Variants in ADGRG5 observed in about 807,000 individuals in gnomAD.
ADGRG5 encodes G protein-coupled receptor 114.
A neutral mutation model predicts 53.2 loss-of-function variants in ADGRG5; 37 were observed. The observed-to-expected ratio is 0.70, with a 90% CI of 0.53 to 0.91. ADGRG5 has a LOEUF of 0.91. ADGRG5 is among the 40% of genes least tolerant of loss of function. The pLI, the probability that ADGRG5 is intolerant of heterozygous loss-of-function variation, is 0.00. For synonymous variants in ADGRG5, 277 were observed against 290.4 expected, an observed-to-expected ratio of 0.95 and a Z score of 0.47; for missense variants, 614 against 675.8, an observed-to-expected ratio of 0.91 and a Z score of 1.01.
the ADGRG5 span, among the ~76,000 whole-genome samples, chr16:57,532,198 T>C: frequency 6.6e-6 from 1 of 152,212 alleles, no homozygotes; most frequent in Non-Finnish European, 1.5e-5. Context: ...AGAGTCATGT[T>C]TGCTAGGTGT....
At chr16:57,571,811 A>G (rs2033369704) in intron 10 of ADGRG5, among the ~76,000 whole-genome samples, 2 of 151,610 alleles carry the variant, frequency 1.3e-5, no homozygotes, top group Admixed American at 6.6e-5. Flanking sequence ...CGCTCAGTTA[A>G]TTTTTGTATT....
chr16:57,550,913 A>G (rs1029137089), intron 1 of ADGRG5, among the ~76,000 whole-genome samples: 4 of 152,148 alleles, frequency 2.6e-5, no homozygotes, highest in Non-Finnish European at 4.4e-5. Flanking sequence ...CTGTAATCCC[A>G]TCTACTTGGG....
rs978836132 is a variant in ADGRG5, at chr16:57,574,296, T to G, written c.1209-519T>G. 7.9e-5 allele frequency among the ~76,000 whole-genome samples: 12 copies of G among 152,160 alleles called. No individual in the cohort carries two copies. Among genetic ancestry groups the G allele is most frequent in the African/African-American group, 2.9e-4 (12 of 41,448 alleles). On this transcript the variant is annotated intron_variant, in intron 10 of 11. Coordinates refer to ENST00000349457, the MANE Select transcript of ADGRG5 (RefSeq NM_001304376.3). The surrounding 1 kb of genome is among the most constrained non-coding windows in gnomAD (Gnocchi z 4.4). Reference sequence around the variant, plus strand: ...GGTCCCTGTCCACCAAGCCACAGGTTGGCAGCCCGCCCACTCTCCAGCGCA... The same window carrying G: ...GGTCCCTGTCCACCAAGCCACAGGTGGGCAGCCCGCCCACTCTCCAGCGCA...
intron 9 of ADGRG5, 62 bp from the exon 10 acceptor site, chr16:57,570,344 AGCCCCAGGGACC>A (rs1818763754): frequency 6.9e-6 from 6 of 875,208 alleles, no homozygotes; most frequent in African/African-American, 6.6e-5. Flanking sequence ...CTGTGTCAGC[AGCCCCAGGGACC>A]GCCCCAGGGA....
chr16:57,563,244 C>G lies in ADGRG5; in HGVS notation c.294C>G (p.Pro98=), dbSNP rs756416703. 4 of 1,613,730 alleles carry G rather than the reference C, an allele frequency of 2.5e-6. No homozygotes were observed. The highest frequency in any genetic ancestry group is 3.4e-6 in the Non-Finnish European group (4 of 1,179,990). The change falls in exon 4 of 12, where the codon CCC becomes CCG. Residue 98 remains proline, a synonymous_variant. Transcript: ENST00000349457. ...SLTSATLKRV[P]QAGGQHARGQ... ...CCAGTGCCACTCTGAAGCGGGTGCC[C>G]CAGGTCAGAGGCTGCGGGTTGGGGG...
chr16:57,565,042 CA>C lies in ADGRG5; in HGVS notation c.440del (p.Asn147ThrfsTer5). 6.2e-7 allele frequency: 1 copy of C among 1,610,746 alleles called. No homozygotes were observed. Among genetic ancestry groups the C allele is most frequent in the South Asian group, 1.1e-5 (1 of 90,932 alleles). ...SNTHFFKDEN[N>X]SSLLNNYVLG... ...TCCTGCTGCCCTTCCAGGATGAAAA[CA>C]ACTCATCTCTGCTGAATAACTACGT... On this transcript the variant is annotated frameshift_variant, in exon 6 of 12. Transcript: ENST00000349457. LOFTEE classifies it high-confidence loss of function.
At chr16:57,570,586 A>G (rs1387953468) in intron 10 of ADGRG5, 51 bp downstream of exon 10, 3 of 1,299,012 alleles carry the variant, frequency 2.3e-6, no homozygotes, top group Non-Finnish European at 3.3e-6. Context: ...CAGAAGGGCC[A>G]CATGGGCCTG....
chr16:57,564,823 G>C (rs561807522), intron 5 of ADGRG5, among the ~76,000 whole-genome samples: 1 of 152,278 alleles, frequency 6.6e-6, no homozygotes, highest in South Asian at 2.1e-4. Flanking sequence ...GGAGCAGGGG[G>C]TGGTGAGAGG....
At chr16:57,545,722 A>T (rs1207961966) in intron 1 of ADGRG5, among the ~76,000 whole-genome samples, 2 of 152,192 alleles carry the variant, frequency 1.3e-5, no homozygotes, top group African/African-American at 4.8e-5. Flanking sequence ...CAGTTTATTT[A>T]ATTAGTCCCG....
Position 57,565,063 on chromosome 16 carries a change from C to G in ADGRG5, c.459C>G (p.Asn153Lys). ...KDENNSSLLNNYVLGAQLSHG... is the reference protein window; with the variant it reads ...KDENNSSLLNKYVLGAQLSHG... ...AAAACAACTCATCTCTGCTGAATAA[C>G]TACGTCCTGGGGGCCCAGCTGAGTC... Residue 153 changes from asparagine to lysine, a missense_variant, in exon 6 of 12, where the codon AAC becomes AAG. Physicochemically the swap from Asn to Lys is moderately conservative, Grantham distance 94. Coordinates refer to ENST00000349457, the MANE Select transcript of ADGRG5 (RefSeq NM_001304376.3). 6.2e-7 allele frequency: 1 copy of G among 1,613,762 alleles called. No homozygotes were observed. The highest frequency in any genetic ancestry group is 8.5e-7 in the Non-Finnish European group (1 of 1,179,654).
chr16:57,555,438 C>T (rs1286703260), intron 1 of ADGRG5, among the ~76,000 whole-genome samples: 2 of 152,192 alleles, frequency 1.3e-5, no homozygotes, highest in Non-Finnish European at 2.9e-5. Context: ...AGGTGCCTTC[C>T]TCCATGATTA....
chr16:57,537,482 G>A, the ADGRG5 span, among the ~76,000 whole-genome samples: 7 of 152,218 alleles, frequency 4.6e-5, no homozygotes, highest in Admixed American at 1.3e-4. Context: ...GCCTTAAAAT[G>A]AACCAAGAAT....
Position 57,567,759 on chromosome 16 carries a change from G to A in ADGRG5, c.822-97G>A, listed in dbSNP as rs1051538475. Reference sequence around the variant, plus strand: ...GCTGTGGGATCCCTGCCCCTTCTTCGCCTCAGTTTCCCTGTCGGCATGCAC... The same window carrying A: ...GCTGTGGGATCCCTGCCCCTTCTTCACCTCAGTTTCCCTGTCGGCATGCAC... On this transcript the variant is annotated intron_variant, in intron 8 of 11. Transcript: ENST00000349457. 1.8e-5 allele frequency: 27 copies of A among 1,461,974 alleles called. 1 individual carries two copies. Among genetic ancestry groups the A allele is most frequent in the Admixed American group, 5.8e-5 (3 of 51,762 alleles). The allele number at this position is 1,461,974 out of a possible 1,614,324, so 90.6% of individuals were successfully genotyped here.
At position 57,562,471 on chromosome 16, in the gene ADGRG5, G is replaced by A. The variant is rs1407281200; in HGVS notation, c.140+12G>A. ...GTTTTTTCCTCTCGGTGAGTTGGAT[G>A]TGCCTCCCACCCCAAGCCTGCACCT... On this transcript the variant is annotated intron_variant, in intron 3 of 11. Transcript: ENST00000349457. 1 of 1,577,996 alleles carries A rather than the reference G, an allele frequency of 6.3e-7. No individual in the cohort carries two copies.
At chr16:57,567,400 C>G in intron 7 of ADGRG5, 70 bp from the exon 8 acceptor site, 1 of 1,553,950 alleles carries the variant, frequency 6.4e-7, no homozygotes, top group East Asian at 2.3e-5. Context: ...CTCAGGAGGT[C>G]CCTCTGACTG....
At chr16:57,545,613 T>C (rs945720243) in intron 1 of ADGRG5, among the ~76,000 whole-genome samples, 74 of 152,368 alleles carry the variant, frequency 4.9e-4, no homozygotes, top group Non-Finnish European at 8.4e-4. Context: ...TGCATTTTGC[T>C]TTTTCACTTG....
chr16:57,542,058 T>G (rs963955847), upstream of ADGRG5, among the ~76,000 whole-genome samples: 13 of 152,198 alleles, frequency 8.5e-5, no homozygotes, highest in African/African-American at 3.1e-4. Context: ...AGCCTTACCT[T>G]TTGTAAGCCC....
At chr16:57,566,528 C>T in intron 6 of ADGRG5, 71 bp from the exon 7 acceptor site, 2 of 1,302,280 alleles carry the variant, frequency 1.5e-6, no homozygotes, top group Non-Finnish European at 2.0e-6. Flanking sequence ...ACCGTTGGCC[C>T]CCAGGACTCC....
intron 1 of ADGRG5, among the ~76,000 whole-genome samples, chr16:57,553,225 G>A (rs1489398338): frequency 6.6e-6 from 1 of 152,060 alleles, no homozygotes; most frequent in Admixed American, 6.5e-5. Flanking sequence ...TTGATGCAGG[G>A]TTGCTGCAAT....
Sources: allele counts gnomAD v4.1 joint callset (sites outside exome capture counted in the v4.1 genomes callset), GRCh38; gene constraint gnomAD v4.1.1; non-coding constraint Gnocchi (gnomAD v3.1); transcripts MANE v1.5; gene names NCBI Gene and HGNC (gene_info 2026-07-23, HGNC 2026-07-21).